TMTC1: variants seen among roughly 807,000 people sequenced by gnomAD.
The protein encoded by TMTC1 is protein O-mannosyl-transferase TMTC1.
TMTC1 carries 73 observed loss-of-function variants against 104.8 expected under a neutral mutation model. That is an observed-to-expected ratio of 0.70 (90% CI 0.58 to 0.85). TMTC1 has a LOEUF of 0.85. TMTC1 is among the 40% of genes least tolerant of loss of function. The probability of loss-of-function intolerance (pLI) is 0.00; values close to 1 mark genes in which losing one functional copy is unlikely to be tolerated. For missense variants in TMTC1, 1,035 were observed against 1,096.1 expected, an observed-to-expected ratio of 0.94 and a Z score of 0.79; for synonymous variants, 434 against 428.7, an observed-to-expected ratio of 1.01 and a Z score of -0.15.
chr12:29,525,341 C>T (rs1452350985), intron 11 of TMTC1, among the ~76,000 whole-genome samples: 1 of 151,722 alleles, frequency 6.6e-6, no homozygotes, highest in African/African-American at 2.4e-5. Flanking sequence ...CATCACCACA[C>T]CCAGTGGCTA....
At chr12:29,702,463 T>C (rs10843493) in intron 5 of TMTC1, among the ~76,000 whole-genome samples, 152,228 of 152,330 alleles carry the variant, frequency 1, 76,063 homozygotes, top group Middle Eastern at 1. Context: ...TCACCGGAGG[T>C]TTCCCTCATT....
chr12:29,611,180 T>C (rs1370111126), intron 6 of TMTC1, among the ~76,000 whole-genome samples: 2 of 150,790 alleles, frequency 1.3e-5, no homozygotes, highest in Non-Finnish European at 3.0e-5. Context: ...TGAACTTCTT[T>C]TTTTTTTTTT....
intron 12 of TMTC1, chr12:29,519,555 G>A (rs1360922759): frequency 3.9e-5 from 6 of 152,078 alleles, no homozygotes; most frequent in African/African-American, 7.2e-5. Flanking sequence ...CTTTTCAAGC[G>A]TATCTGTTTG....
intron 7 of TMTC1, among the ~76,000 whole-genome samples, chr12:29,590,008 T>C (rs980223354): frequency 1.3e-5 from 2 of 152,110 alleles, no homozygotes; most frequent in African/African-American, 4.8e-5. Context: ...AATCTAGGGG[T>C]TGGCAATAAT....
At chr12:29,554,414 A>G (rs552453928) in intron 10 of TMTC1, among the ~76,000 whole-genome samples, 2 of 151,936 alleles carry the variant, frequency 1.3e-5, no homozygotes, top group African/African-American at 4.8e-5. Context: ...GGATTTGGGC[A>G]TGGAAAAGGA....
chr12:29,553,864 TATAAGAATATCTGCCATTATTTTCA>T (rs1468801971), intron 10 of TMTC1, among the ~76,000 whole-genome samples: 4 of 152,176 alleles, frequency 2.6e-5, no homozygotes, highest in Non-Finnish European at 5.9e-5. Context: ...AAATGAAACT[TATAAGAATATCTGCCATTATTTTCA>T]ATTAGAGCCA....
At chr12:29,670,707 C>T (rs11050353) in intron 5 of TMTC1, among the ~76,000 whole-genome samples, 83,248 of 151,138 alleles carry the variant, frequency 0.55, 23,129 homozygotes, top group African/African-American at 0.63. Context: ...GACAGGCAGA[C>T]TGCTTGAGCT....
intron 5 of TMTC1, among the ~76,000 whole-genome samples, chr12:29,742,664 A>T (rs1942857340): frequency 6.6e-6 from 1 of 152,212 alleles, no homozygotes; most frequent in Non-Finnish European, 1.5e-5. Flanking sequence ...TTTAATTTAA[A>T]AAAGGTCAGC....
At chr12:29,571,229 T>C (rs1945667566) in intron 9 of TMTC1, among the ~76,000 whole-genome samples, 2 of 152,124 alleles carry the variant, frequency 1.3e-5, no homozygotes, top group African/African-American at 4.8e-5. Flanking sequence ...GGATTAACCT[T>C]GCTTTATTTT....
Position 29,574,959 on chromosome 12 carries a change from A to T in TMTC1, c.1419-2741T>A, listed in dbSNP as rs577991717. Among the ~76,000 whole-genome samples the T allele has an allele frequency of 1.1e-4, 16 of 152,286 alleles. No individual in the cohort carries two copies. The East Asian group carries it at 3.1e-3, about 29-fold the overall frequency. On this transcript the variant is annotated intron_variant, in intron 8 of 17. Transcript: ENST00000539277. ...CTGAGTGGCTGTGCCTACAGGGTTT[A>T]CTTTCTGCCTGATGCTTGTCTACCC...
At position 29,684,288 on chromosome 12, in the gene TMTC1, A is replaced by C. The variant is rs557947029; in HGVS notation, c.939-50952T>G. Among the ~76,000 whole-genome samples the C allele has an allele frequency of 4.6e-5, 7 of 152,360 alleles. No individual in the cohort carries two copies. The South Asian group carries it at 8.3e-4, about 18-fold the overall frequency. On this transcript the variant is annotated intron_variant, in intron 5 of 17. Coordinates refer to ENST00000539277, the MANE Select transcript of TMTC1 (RefSeq NM_001193451.2). ...TTATTGATAATGACAAGAGAAAAAG[A>C]AGGCTAAAGAGAATATTTGAACCTC... is the stretch of plus-strand genomic sequence containing the variant.
At chr12:29,719,630 C>G (rs1372135893) in intron 5 of TMTC1, among the ~76,000 whole-genome samples, 1 of 152,206 alleles carries the variant, frequency 6.6e-6, no homozygotes, top group African/African-American at 2.4e-5. Flanking sequence ...CTCTCATTGA[C>G]TCTCCCTCTT....
chr12:29,699,082 T>C (rs1941506132), intron 5 of TMTC1, among the ~76,000 whole-genome samples: 1 of 152,192 alleles, frequency 6.6e-6, no homozygotes, highest in Non-Finnish European at 1.5e-5. Context: ...CCCCCCAAGA[T>C]GTTCAACTTA....
At chr12:29,715,281 G>T (rs1325435950) in intron 5 of TMTC1, among the ~76,000 whole-genome samples, 4 of 152,090 alleles carry the variant, frequency 2.6e-5, no homozygotes, top group African/African-American at 7.2e-5. Flanking sequence ...AAAGTTCAAA[G>T]AATTAGGAGA....
At chr12:29,643,141 C>T (rs1372448572) in intron 5 of TMTC1, among the ~76,000 whole-genome samples, 2 of 151,814 alleles carry the variant, frequency 1.3e-5, no homozygotes, top group Admixed American at 1.3e-4. Context: ...AAATCAAAAA[C>T]AGTATATGTT....
At chr12:29,556,802 A>C in intron 10 of TMTC1, 55 bp downstream of exon 10, 1 of 1,608,198 alleles carries the variant, frequency 6.2e-7, no homozygotes. Context: ...GTTGAGAAGG[A>C]AAGAGTTTCT....
intron 5 of TMTC1, among the ~76,000 whole-genome samples, chr12:29,720,409 T>C (rs1565792500): frequency 6.6e-6 from 1 of 152,112 alleles, no homozygotes; most frequent in African/African-American, 2.4e-5. Context: ...TCTCACTCTA[T>C]AATGTCTAGA....
At chr12:29,725,910 C>G in intron 5 of TMTC1, among the ~76,000 whole-genome samples, 1 of 152,192 alleles carries the variant, frequency 6.6e-6, no homozygotes, top group East Asian at 1.9e-4. Flanking sequence ...TCTACTAATG[C>G]TACTGCAAAG....
rs1943701873 is a variant in TMTC1 at position 29,506,751 on chromosome 12, A to C, written c.*95T>G. ...TGAACTCGGAATGAGAGAAAATCTC[A>C]TTAGTTGTGCCCCTGCTGATGTGAA... On this transcript the variant is annotated 3_prime_UTR_variant, in exon 18 of 18. Coordinates refer to ENST00000539277, the MANE Select transcript of TMTC1 (RefSeq NM_001193451.2). 2.0e-6 allele frequency: 3 copies of C among 1,479,878 alleles called. No homozygotes were observed. Among genetic ancestry groups the C allele is most frequent in the Non-Finnish European group, 1.9e-6 (2 of 1,068,208 alleles). The allele number at this position is 1,479,878 out of a possible 1,614,324, so 91.7% of individuals were successfully genotyped here.
Sources: gnomAD v4.1 joint callset for allele counts (sites outside exome capture counted in the v4.1 genomes callset) on GRCh38, gnomAD v4.1.1 for gene constraint, MANE v1.5 for transcripts, NCBI Gene and HGNC (gene_info 2026-07-23, HGNC 2026-07-21) for gene names.